The following FAM81B variants were observed in gnomAD, a reference collection of about 807,000 sequenced individuals.
FAM81B encodes the protein protein FAM81B.
A neutral mutation model predicts 58.7 loss-of-function variants in FAM81B; 60 were observed. The observed-to-expected ratio is 1.02, with a 90% CI of 0.83 to 1.27. FAM81B has a LOEUF of 1.27. FAM81B is among the 50% of genes most tolerant of loss of function. FAM81B has a pLI of 0.00. For synonymous variants in FAM81B, 189 were observed against 179.6 expected (o/e 1.05, Z -0.42); for missense variants, 491 against 522.0 (o/e 0.94, Z 0.58).
intron 2 of FAM81B, among the ~76,000 whole-genome samples, chr5:95,393,546 C>T (rs867896174): frequency 6.6e-6 from 1 of 152,116 alleles, no homozygotes; most frequent in Non-Finnish European, 1.5e-5. Context: ...GAATGAGTCA[C>T]TTAAGTAAGT....
Position 95,426,962 on chromosome 5 carries a change from T to A in FAM81B, c.657-1641T>A, listed in dbSNP as rs1363032366. On this transcript the variant is annotated intron_variant, in intron 5 of 9. Transcript: ENST00000283357. ...TACTCGGGAGGGTGAGGCAGGAGAA[T>A]GGCGTGAACCTGGGAGGCGGAGCTT... Among the ~76,000 whole-genome samples, 3 of 152,124 alleles carry A rather than the reference T, an allele frequency of 2.0e-5. No homozygotes were observed. The East Asian group carries it at 5.8e-4, about 29-fold the overall frequency.
intron 1 of FAM81B, 135 bp from the exon 2 acceptor site, chr5:95,392,659 G>A (rs924205270): frequency 1.5e-5 from 10 of 684,276 alleles, no homozygotes; most frequent in Non-Finnish European, 2.3e-5. Flanking sequence ...GAGGGGAAAT[G>A]TAAAGCAAAT....
chr5:95,428,928 G>A (rs187151649), intron 6 of FAM81B, among the ~76,000 whole-genome samples, 196 bp downstream of exon 6: 2 of 152,262 alleles, frequency 1.3e-5, no homozygotes, highest in African/African-American at 4.8e-5. Flanking sequence ...AATGTCTGCC[G>A]TGTTCCAACA....
In FAM81B at chr5:95,400,447, C is replaced by CACACACAT. The variant is rs1554042707; in HGVS notation, c.293+4275_293+4276insCACATACA. On this transcript the variant is annotated intron_variant, in intron 3 of 9. Coordinates refer to ENST00000283357, the MANE Select transcript of FAM81B (RefSeq NM_152548.3). ...ACATACATACATACACACACACACA[C>CACACACAT]ACATACATACATACAGGCATCTTCA... Among the ~76,000 whole-genome samples the CACACACAT allele has an allele frequency of 7.8e-3, 1,177 of 151,364 alleles. 22 individuals carry two copies. The highest frequency in any genetic ancestry group is 0.027 in the African/African-American group (1,121 of 40,770).
At chr5:95,396,328 T>C (rs1054803393) in intron 3 of FAM81B, among the ~76,000 whole-genome samples, 153 bp downstream of exon 3, 20 of 152,206 alleles carry the variant, frequency 1.3e-4, no homozygotes, top group African/African-American at 4.8e-4. Context: ...TCAGAAGAGA[T>C]TAAATCATGT....
At chr5:95,416,564 C>A (rs1331780758) in intron 4 of FAM81B, among the ~76,000 whole-genome samples, 1 of 152,104 alleles carries the variant, frequency 6.6e-6, no homozygotes, top group Non-Finnish European at 1.5e-5. Flanking sequence ...AATGTTTAAA[C>A]TTGGGGAAAA....
intron 5 of FAM81B, among the ~76,000 whole-genome samples, chr5:95,425,085 T>G (rs1762787468): frequency 6.6e-6 from 1 of 151,532 alleles, no homozygotes; most frequent in East Asian, 1.9e-4. Context: ...TAAAAATGAT[T>G]GTAGAAAAAT....
In FAM81B at chr5:95,448,342, A is replaced by T. The variant is rs1197409371; in HGVS notation, c.1103A>T (p.Gln368Leu). The change falls in exon 9 of 10, where the codon CAG (glutamine) becomes CTG (leucine). Residue 368 changes from glutamine (Q) to leucine (L), a missense_variant. Physicochemically the swap from Gln to Leu is moderately radical, Grantham distance 113 (BLOSUM62 -2). Transcript: ENST00000283357. Reference sequence around the variant, plus strand: ...AAAGTAGAGAATTTCATTAACACACAGAAACAGGAAACACAACTAAGTAAA... The same window carrying T: ...AAAGTAGAGAATTTCATTAACACACTGAAACAGGAAACACAACTAAGTAAA... ...SSKVENFINT[Q>L]KQETQLSKVK... 3.1e-6 allele frequency: 5 copies of T among 1,612,264 alleles called. No individual in the cohort carries two copies. In the South Asian group the frequency reaches 4.4e-5, roughly 14 times the overall value.
At chr5:95,432,440 A>C (rs191874194) in intron 6 of FAM81B, among the ~76,000 whole-genome samples, 32 of 152,232 alleles carry the variant, frequency 2.1e-4, no homozygotes, top group Admixed American at 7.2e-4. Context: ...AAACAGTTTA[A>C]AGAGTATTAT....
rs532916804 is a variant in FAM81B at position 95,416,744 on chromosome 5, A to G, written c.537+2554A>G. Among the ~76,000 whole-genome samples, 36 of 152,190 alleles carry G rather than the reference A, an allele frequency of 2.4e-4. 1 individual carries two copies. The highest frequency in any genetic ancestry group is 4.6e-4 in the Non-Finnish European group (31 of 68,026). On this transcript the variant is annotated intron_variant, in intron 4 of 9. Coordinates refer to ENST00000283357, the MANE Select transcript of FAM81B (RefSeq NM_152548.3). Reference sequence around the variant, plus strand: ...TCATGTCTCATTAAAATCTCTTTGCATGGTGCATACACCATGATTTGCTTA... The same window carrying G: ...TCATGTCTCATTAAAATCTCTTTGCGTGGTGCATACACCATGATTTGCTTA...
At chr5:95,427,787 A>G (rs917139272) in intron 5 of FAM81B, among the ~76,000 whole-genome samples, 5 of 152,234 alleles carry the variant, frequency 3.3e-5, no homozygotes, top group African/African-American at 1.2e-4. Context: ...TCCTTCATGC[A>G]TATGTGAAAG....
chr5:95,447,216 A>G lies in FAM81B; in HGVS notation c.1029+519A>G, dbSNP rs1745610336. Reference sequence around the variant, plus strand: ...TTTCAGGGGTCCCCTCTCCCACTGCAACCAGCACACCTTACCCAATGGGAA... The same window carrying G: ...TTTCAGGGGTCCCCTCTCCCACTGCGACCAGCACACCTTACCCAATGGGAA... On this transcript the variant is annotated intron_variant, in intron 8 of 9. Transcript: ENST00000283357. 2.0e-5 allele frequency among the ~76,000 whole-genome samples: 3 copies of G among 152,202 alleles called. No homozygotes were observed. In the South Asian group the frequency reaches 6.2e-4, roughly 31 times the overall value.
intron 3 of FAM81B, among the ~76,000 whole-genome samples, chr5:95,412,248 C>T (rs1324983643): frequency 6.6e-6 from 1 of 152,102 alleles, no homozygotes; most frequent in South Asian, 2.1e-4. Flanking sequence ...TCGACATACA[C>T]CAACATGAGC....
chr5:95,438,557 G>A (rs1582825159), intron 7 of FAM81B, among the ~76,000 whole-genome samples: 1 of 152,120 alleles, frequency 6.6e-6, no homozygotes, highest in Non-Finnish European at 1.5e-5. Flanking sequence ...AGTCATCTGA[G>A]TAGTTAAATC....
chr5:95,410,987 A>G (rs1762390746), intron 3 of FAM81B, among the ~76,000 whole-genome samples: 1 of 152,242 alleles, frequency 6.6e-6, no homozygotes, highest in Non-Finnish European at 1.5e-5. Flanking sequence ...CTACTGGGTC[A>G]CAGGATAGTA....
chr5:95,404,547 T>A (rs1201686746), intron 3 of FAM81B, among the ~76,000 whole-genome samples: 1 of 152,048 alleles, frequency 6.6e-6, no homozygotes, highest in Non-Finnish European at 1.5e-5. Context: ...CTGAGACTAT[T>A]TTATATTGCT....
At chr5:95,444,866 C>G (rs985884666) in intron 7 of FAM81B, among the ~76,000 whole-genome samples, 2 of 152,124 alleles carry the variant, frequency 1.3e-5, no homozygotes, top group Non-Finnish European at 2.9e-5. Context: ...GGTATTTCAG[C>G]TGGATCATTC....
In FAM81B at chr5:95,413,963, C is replaced by T. The variant is rs758244987; in HGVS notation, c.310C>T (p.Pro104Ser). 1.5e-5 allele frequency: 24 copies of T among 1,612,872 alleles called. No homozygotes were observed. Among genetic ancestry groups the T allele is most frequent in the Non-Finnish European group, 1.9e-5 (23 of 1,179,578 alleles). Residue 104 changes from proline (P) to serine (S), a missense_variant, in exon 4 of 10, where the codon CCC (proline) becomes TCC (serine). Pro to Ser is a moderately conservative substitution (Grantham distance 74). Transcript: ENST00000283357. Reference protein sequence around the residue: ...EYVDKSHAFLPIIPNTQRGQL... With the variant: ...EYVDKSHAFLSIIPNTQRGQL... ...TCTGATCAGGAGTCATGCTTTTCTC[C>T]CCATCATTCCAAACACCCAGAGAGG...
At chr5:95,412,138 TTGC>T (rs1249188868) in intron 3 of FAM81B, among the ~76,000 whole-genome samples, 3 of 141,924 alleles carry the variant, frequency 2.1e-5, no homozygotes, top group Admixed American at 1.4e-4. Flanking sequence ...TGGCAATGAA[TTGC>T]TGCTTTTTTT....
Sources: gnomAD v4.1 joint callset for allele counts (sites outside exome capture counted in the v4.1 genomes callset) on GRCh38, gnomAD v4.1.1 for gene constraint, MANE v1.5 for transcripts, NCBI Gene and HGNC (gene_info 2026-07-23, HGNC 2026-07-21) for gene names.